Variants in COL15A1 observed in about 807,000 individuals in gnomAD.
COL15A1 encodes collagen type XV alpha 1 chain.
Under a neutral mutation model 165.9 loss-of-function variants are expected in COL15A1, and 111 were observed. The observed-to-expected ratio is 0.67, with a 90% CI of 0.57 to 0.78. The LOEUF is 0.78. Among genes scored for constraint, COL15A1 ranks in the 30% least tolerant of loss-of-function variants. The pLI, the probability that COL15A1 is intolerant of heterozygous loss-of-function variation, is 0.00. For synonymous variants in COL15A1, 659 were observed against 674.8 expected (o/e 0.98, Z 0.36); for missense variants, 1,745 against 1,789.7 (o/e 0.98, Z 0.45).
At chr9:99,057,292 C>G (rs1335774561) in intron 35 of COL15A1, among the ~76,000 whole-genome samples, 1 of 152,138 alleles carries the variant, frequency 6.6e-6, no homozygotes, top group Non-Finnish European at 1.5e-5. Context: ...TTGCATTTCC[C>G]TAATGACTAA....
At chr9:98,958,681 A>C (rs376575780) in intron 2 of COL15A1, among the ~76,000 whole-genome samples, 5 of 152,202 alleles carry the variant, frequency 3.3e-5, no homozygotes, top group African/African-American at 1.2e-4. Context: ...TTATTTGTTT[A>C]ATATTTGCAA....
At position 98,944,189 on chromosome 9, in the gene COL15A1, G is replaced by C. The variant is rs1469566461; in HGVS notation, c.39G>C (p.Leu13=). ...GGAACAACGGGCAGTGCTGGTGTCT[G>C]CTGATGCTGCTCTCGGTCTCCACGC... ...PRRNNGQCWC[L]LMLLSVSTPL... is the part of the protein sequence containing the mutation. Residue 13 remains leucine (L), a synonymous_variant, in exon 2 of 42, where the codon CTG becomes CTC. Transcript: ENST00000375001. 1 of 1,614,096 alleles carries C rather than the reference G, an allele frequency of 6.2e-7. No homozygotes were observed. The highest frequency in any genetic ancestry group is 2.2e-5 in the East Asian group (1 of 44,866).
intron 39 of COL15A1, among the ~76,000 whole-genome samples, chr9:99,066,599 GTTTTTTT>G (rs67961829): frequency 0.096 from 6,823 of 71,058 alleles, 519 homozygotes; most frequent in East Asian, 0.43. Context: ...ATTTTGTTCT[GTTTTTTT>G]TTTTTTTTTT....
intron 2 of COL15A1, among the ~76,000 whole-genome samples, chr9:98,979,086 C>T (rs550373667): frequency 9.2e-5 from 14 of 152,092 alleles, no homozygotes; most frequent in Admixed American, 2.0e-4. Flanking sequence ...CCTTGGATTT[C>T]GTTGTGTGAA....
intron 6 of COL15A1, among the ~76,000 whole-genome samples, chr9:98,999,159 C>T (rs1170472500): frequency 6.6e-6 from 1 of 152,244 alleles, no homozygotes; most frequent in African/African-American, 2.4e-5. Context: ...GAGGATTTGG[C>T]ACCTCTTCCA....
chr9:98,949,148 T>C (rs1837636804), intron 2 of COL15A1, among the ~76,000 whole-genome samples: 1 of 152,274 alleles, frequency 6.6e-6, no homozygotes, highest in African/African-American at 2.4e-5. Flanking sequence ...AAATGCAGAA[T>C]CTATTCTTTC....
intron 5 of COL15A1, among the ~76,000 whole-genome samples, chr9:98,995,699 A>G (rs1838530611): frequency 6.6e-6 from 1 of 152,206 alleles, no homozygotes; most frequent in Non-Finnish European, 1.5e-5. Flanking sequence ...TGAAGATTTT[A>G]CAGTACAATA....
chr9:98,989,563 TACTC>T (rs1222224885), intron 5 of COL15A1, among the ~76,000 whole-genome samples: 3 of 152,212 alleles, frequency 2.0e-5, no homozygotes, highest in Admixed American at 6.5e-5. Flanking sequence ...TTAGGTAACT[TACTC>T]AACCATTCTG....
chr9:99,001,629 G>A (rs886579621), intron 7 of COL15A1, among the ~76,000 whole-genome samples: 9 of 152,180 alleles, frequency 5.9e-5, no homozygotes, highest in Admixed American at 2.6e-4. Flanking sequence ...TGTAGACTAG[G>A]AAACTGCCAG....
At chr9:98,954,331 AC>A (rs1415576325) in intron 2 of COL15A1, among the ~76,000 whole-genome samples, 2 of 152,200 alleles carry the variant, frequency 1.3e-5, no homozygotes, top group African/African-American at 4.8e-5. Flanking sequence ...TCAAAGATAA[AC>A]CCTGCTAGCA....
intron 2 of COL15A1, among the ~76,000 whole-genome samples, chr9:98,962,923 AC>A (rs1837886154): frequency 6.6e-6 from 1 of 152,240 alleles, no homozygotes; most frequent in Non-Finnish European, 1.5e-5. Context: ...TGCCTGCTGT[AC>A]AGCAGGTGCT....
chr9:98,983,300 G>A (rs1838259928), intron 2 of COL15A1, among the ~76,000 whole-genome samples: 1 of 152,166 alleles, frequency 6.6e-6, no homozygotes, highest in Admixed American at 6.6e-5. Flanking sequence ...ACCACCTGGA[G>A]TCTTGACTCC....
At chr9:98,978,012 G>A (rs1192636877) in intron 2 of COL15A1, among the ~76,000 whole-genome samples, 1 of 152,146 alleles carries the variant, frequency 6.6e-6, no homozygotes, top group Non-Finnish European at 1.5e-5. Context: ...GAGTGGTCGG[G>A]GCTGTGGGAG....
intron 23 of COL15A1, among the ~76,000 whole-genome samples, chr9:99,041,715 C>T (rs371639129): frequency 2.2e-4 from 34 of 152,006 alleles, no homozygotes; most frequent in Non-Finnish European, 4.1e-4. Flanking sequence ...GTGGAGGAGG[C>T]GGGCTGCAGG....
At chr9:99,007,274 G>A (rs185340699) in intron 9 of COL15A1, among the ~76,000 whole-genome samples, 7 of 152,284 alleles carry the variant, frequency 4.6e-5, no homozygotes, top group Admixed American at 2.0e-4. Context: ...TGTGAGGGAG[G>A]TATGTACCTT....
chr9:99,027,540 T>A (rs1839146743), intron 16 of COL15A1, among the ~76,000 whole-genome samples: 1 of 152,068 alleles, frequency 6.6e-6, no homozygotes. Flanking sequence ...TCTTCCAGGC[T>A]TCCCCCCACC....
intron 14 of COL15A1, 57 bp downstream of exon 14, chr9:99,023,506 G>C: frequency 1.2e-6 from 1 of 850,896 alleles, no homozygotes; most frequent in Admixed American, 2.0e-5. Context: ...AATAACCCCA[G>C]AGGGAGGGAC....
chr9:98,968,998 T>A (rs961288526), intron 2 of COL15A1, among the ~76,000 whole-genome samples: 1 of 152,200 alleles, frequency 6.6e-6, no homozygotes, highest in Non-Finnish European at 1.5e-5. Context: ...CCCCCCAGAC[T>A]CCTGTCTGGA....
chr9:98,944,172 G>A lies in COL15A1; in HGVS notation c.22G>A (p.Gly8Arg), dbSNP rs201993304. The change falls in exon 2 of 42, where the codon GGG becomes AGG. Residue 8 changes from glycine (G) to arginine (R), a missense_variant. Gly to Arg is a moderately radical substitution (Grantham distance 125). Transcript: ENST00000375001. ...GGGCACATCTTGCAGGAGGAACAAC[G>A]GGCAGTGCTGGTGTCTGCTGATGCT... MAPRRNN[G>R]QCWCLLMLLS... is the part of the protein sequence containing the mutation. 1.7e-5 allele frequency: 28 copies of A among 1,613,900 alleles called. No individual in the cohort carries two copies. Among genetic ancestry groups the A allele is most frequent in the Non-Finnish European group, 2.2e-5 (26 of 1,179,974 alleles).
Sources: gnomAD v4.1 joint callset for allele counts (sites outside exome capture counted in the v4.1 genomes callset) on GRCh38, gnomAD v4.1.1 for gene constraint, MANE v1.5 for transcripts, NCBI Gene and HGNC (gene_info 2026-07-23, HGNC 2026-07-21) for gene names.